ADK: variants seen among roughly 807,000 people sequenced by gnomAD.
ADK encodes the protein adenosine kinase.
A neutral mutation model predicts 44.7 loss-of-function variants in ADK; 24 were observed. The ratio of observed to expected loss-of-function variants is 0.54; its 90% CI spans 0.39 to 0.76. The LOEUF is 0.76. ADK is among the 30% of genes least tolerant of loss of function. The probability of loss-of-function intolerance (pLI) is 0.00; values close to 1 mark genes in which losing one functional copy is unlikely to be tolerated. For missense variants in ADK, 321 were observed against 425.1 expected, an observed-to-expected ratio of 0.76 and a Z score of 2.15; for synonymous variants, 128 against 142.6, an observed-to-expected ratio of 0.90 and a Z score of 0.73.
chr10:74,496,089 G>A (rs1417723810), intron 6 of ADK, among the ~76,000 whole-genome samples: 4 of 152,180 alleles, frequency 2.6e-5, no homozygotes, highest in Non-Finnish European at 5.9e-5. Context: ...AGAATGTGCA[G>A]AAATGTTTAT....
intron 7 of ADK, chr10:74,527,753 C>G (rs767674674): frequency 2.5e-5 from 39 of 1,561,666 alleles, no homozygotes; most frequent in Non-Finnish European, 3.4e-5. Context: ...GTTTCCTCCA[C>G]TCCCAGACTT....
At chr10:74,260,361 C>G (rs1240361100) in intron 3 of ADK, among the ~76,000 whole-genome samples, 4 of 152,204 alleles carry the variant, frequency 2.6e-5, no homozygotes, top group Admixed American at 2.6e-4. Context: ...CCTTGAACTC[C>G]TGGGCTCAAG....
At chr10:74,514,279 T>C (rs1240120638) in intron 6 of ADK, among the ~76,000 whole-genome samples, 1 of 152,220 alleles carries the variant, frequency 6.6e-6, no homozygotes, top group African/African-American at 2.4e-5. Flanking sequence ...GTAATGTGCC[T>C]TGCAGAGGTC....
At chr10:74,441,792 T>A (rs1845414012) in intron 6 of ADK, among the ~76,000 whole-genome samples, 1 of 151,936 alleles carries the variant, frequency 6.6e-6, no homozygotes, top group South Asian at 2.1e-4. Context: ...TGGGAGAAAA[T>A]ATTTGTAAAC....
chr10:74,257,149 A>C (rs966110100), intron 3 of ADK, among the ~76,000 whole-genome samples: 3 of 152,256 alleles, frequency 2.0e-5, no homozygotes, highest in African/African-American at 7.2e-5. Flanking sequence ...ATGATATTAC[A>C]GTCATCCTTC....
At chr10:74,278,835 G>T (rs1468097228) in intron 3 of ADK, among the ~76,000 whole-genome samples, 1 of 152,162 alleles carries the variant, frequency 6.6e-6, no homozygotes, top group Non-Finnish European at 1.5e-5. Context: ...ATCACACTCA[G>T]CTTCTTTCAC....
intron 6 of ADK, among the ~76,000 whole-genome samples, chr10:74,431,913 G>A (rs149301990): frequency 1.9e-3 from 285 of 152,176 alleles, no homozygotes; most frequent in African/African-American, 6.7e-3. Flanking sequence ...AGTAGTGTTG[G>A]CAGATGCAGT....
chr10:74,472,476 C>G (rs888817339), intron 6 of ADK, among the ~76,000 whole-genome samples: 9 of 152,150 alleles, frequency 5.9e-5, no homozygotes, highest in Admixed American at 3.9e-4. Flanking sequence ...CCCTCCACTC[C>G]ATTTTTTAGC....
intron 7 of ADK, among the ~76,000 whole-genome samples, chr10:74,555,749 A>G (rs1452107876): frequency 6.6e-6 from 1 of 152,226 alleles, no homozygotes; most frequent in African/African-American, 2.4e-5. Flanking sequence ...TCTTGGGAGT[A>G]TCCTGTTTCT....
intron 6 of ADK, among the ~76,000 whole-genome samples, chr10:74,513,792 G>A (rs1011729892): frequency 2.0e-5 from 3 of 152,098 alleles, no homozygotes; most frequent in Non-Finnish European, 4.4e-5. Flanking sequence ...CTGGTGGTTT[G>A]TATATCCTTT....
chr10:74,634,275 C>G (rs185605834), intron 9 of ADK, among the ~76,000 whole-genome samples: 5 of 151,898 alleles, frequency 3.3e-5, no homozygotes, highest in African/African-American at 9.7e-5. Context: ...AGTGCAGTGG[C>G]GCGATCTCGG....
intron 6 of ADK, among the ~76,000 whole-genome samples, chr10:74,501,544 TA>T (rs562472231): frequency 1.1e-3 from 166 of 152,312 alleles, no homozygotes; most frequent in Non-Finnish European, 1.9e-3. Flanking sequence ...CTTTGATGTG[TA>T]CATGTTTTTA....
At chr10:74,408,185 G>T (rs1395066464) in intron 6 of ADK, among the ~76,000 whole-genome samples, 2 of 147,966 alleles carry the variant, frequency 1.4e-5, no homozygotes, top group Non-Finnish European at 3.0e-5. Context: ...TTGAGATGAG[G>T]TTTCACCATT....
At chr10:74,302,649 A>C (rs1840098935) in intron 3 of ADK, among the ~76,000 whole-genome samples, 1 of 152,042 alleles carries the variant, frequency 6.6e-6, no homozygotes, top group African/African-American at 2.4e-5. Flanking sequence ...TTTTAAAATG[A>C]GCTGGTTATA....
chr10:74,549,672 A>C (rs1172325094), intron 7 of ADK, among the ~76,000 whole-genome samples: 1 of 152,134 alleles, frequency 6.6e-6, no homozygotes, highest in Non-Finnish European at 1.5e-5. Context: ...CCTGGGCTCA[A>C]GTGATCCGCC....
intron 6 of ADK, among the ~76,000 whole-genome samples, chr10:74,471,755 T>G (rs1846598794): frequency 6.6e-6 from 1 of 152,170 alleles, no homozygotes; most frequent in African/African-American, 2.4e-5. Context: ...TTTATTCATT[T>G]TTAATGCTAT....
intron 6 of ADK, among the ~76,000 whole-genome samples, chr10:74,453,727 T>G (rs1479959601): frequency 6.6e-6 from 1 of 152,124 alleles, no homozygotes; most frequent in African/African-American, 2.4e-5. Context: ...AAAGTAATAA[T>G]TTATAAACTT....
intron 1 of ADK, among the ~76,000 whole-genome samples, chr10:74,177,836 G>C (rs1029538409): frequency 6.6e-6 from 1 of 151,340 alleles, no homozygotes; most frequent in Non-Finnish European, 1.5e-5. Context: ...TTACTACATT[G>C]TGTTTAAGAG....
chr10:74,704,379 GTTTAC>G (rs1394780522), intron 10 of ADK, among the ~76,000 whole-genome samples: 2 of 152,138 alleles, frequency 1.3e-5, no homozygotes. Context: ...TCTTGGGGAT[GTTTAC>G]TTCCATTATA....
Sources: gnomAD v4.1 joint callset for allele counts (sites outside exome capture counted in the v4.1 genomes callset) on GRCh38, gnomAD v4.1.1 for gene constraint, MANE v1.5 for transcripts, NCBI Gene and HGNC (gene_info 2026-07-23, HGNC 2026-07-21) for gene names.